Variants in SEC63 observed in about 807,000 individuals in gnomAD.
SEC63 encodes SEC63 protein translocation regulator.
A neutral mutation model predicts 116.2 loss-of-function variants in SEC63; 56 were observed. The ratio of observed to expected loss-of-function variants is 0.48; its 90% CI spans 0.39 to 0.60. The LOEUF (loss-of-function observed/expected upper bound fraction) is 0.60. SEC63 is among the 20% of genes least tolerant of loss of function. The pLI is 0.00. For synonymous variants in SEC63, 273 were observed against 294.6 expected, an observed-to-expected ratio of 0.93 and a Z score of 0.75; for missense variants, 668 against 900.0, an observed-to-expected ratio of 0.74 and a Z score of 3.30.
chr6:107,911,050 A>G (rs2114458101), intron 7 of SEC63: 2 of 368,944 alleles, frequency 5.4e-6, no homozygotes, highest in South Asian at 5.9e-5. Context: ...TATACACATC[A>G]TGCTCAAGTA....
chr6:107,893,392 A>G lies in SEC63; in HGVS notation c.1674+90T>C. 3 of 1,315,618 alleles carry G rather than the reference A, an allele frequency of 2.3e-6. No homozygotes were observed. In the South Asian group the frequency reaches 3.6e-5, roughly 16 times the overall value. 81.5% of individuals were successfully genotyped at this position (1,315,618 alleles called of 1,614,324 possible). A position where few individuals can be genotyped will look rare whatever the true frequency, so the allele number is the denominator to read the frequency against. Reference sequence around the variant, plus strand: ...GGTATCACGGGTGCATAAATTATGTAAAACTTTTGAAGCTGTACACGTAAG... The same window carrying G: ...GGTATCACGGGTGCATAAATTATGTGAAACTTTTGAAGCTGTACACGTAAG... On this transcript the variant is annotated intron_variant, in intron 16 of 20. Coordinates refer to ENST00000369002, the MANE Select transcript of SEC63 (RefSeq NM_007214.5).
At chr6:107,955,441 C>T (rs1179458090) in intron 1 of SEC63, among the ~76,000 whole-genome samples, 4 of 152,058 alleles carry the variant, frequency 2.6e-5, no homozygotes, top group Admixed American at 2.0e-4. Flanking sequence ...CCACGGCAGG[C>T]GTGAGCCACC....
At chr6:107,935,579 A>C (rs1487006984) in intron 1 of SEC63, among the ~76,000 whole-genome samples, 7 of 117,526 alleles carry the variant, frequency 6.0e-5, no homozygotes, top group African/African-American at 2.4e-4. Context: ...TGTTAAACAG[A>C]TGCTTGAAGG....
At position 107,876,546 on chromosome 6, in the gene SEC63, A is replaced by T; in HGVS notation, c.2034+18T>A. ...CTGTGCCTTGTTAAACACTGAAATC[A>T]TGTTGCTTGATAGTTACCTCCTCTG... On this transcript the variant is annotated intron_variant, in intron 19 of 20. Coordinates refer to ENST00000369002, the MANE Select transcript of SEC63 (RefSeq NM_007214.5). 2 of 1,433,444 alleles carry T rather than the reference A, an allele frequency of 1.4e-6. No homozygotes were observed. Among genetic ancestry groups the T allele is most frequent in the Non-Finnish European group, 2.0e-6 (2 of 1,017,534 alleles). 88.8% of individuals were successfully genotyped at this position (1,433,444 alleles called of 1,614,324 possible). A position where few individuals can be genotyped will look rare whatever the true frequency, so the allele number is the denominator to read the frequency against.
In SEC63 at chr6:107,904,651, T is replaced by C. The variant is rs1277146833; in HGVS notation, c.1032A>G (p.Ile344Met). 6.2e-7 allele frequency: 1 copy of C among 1,612,896 alleles called. No individual in the cohort carries two copies. The highest frequency in any genetic ancestry group is 1.7e-5 in the Admixed American group (1 of 60,024). ...QEMVNVICQL[I>M]VMARNREERE... Reference sequence around the variant, plus strand: ...CACCTTCACGGTTCCGGGCCATTACTATTAGTTGGCAGATTACATTAACCA... The same window carrying C: ...CACCTTCACGGTTCCGGGCCATTACCATTAGTTGGCAGATTACATTAACCA... Residue 344 changes from isoleucine to methionine, a missense_variant, in exon 11 of 21, where the codon ATA becomes ATG. Around this residue, in one of 5 missense-constraint regions of SEC63, gnomAD observed 430 missense variants for 557.5 expected, o/e 0.77. Transcript: ENST00000369002.
At chr6:107,885,167 A>G (rs1319043536) in intron 16 of SEC63, among the ~76,000 whole-genome samples, 1 of 152,132 alleles carries the variant, frequency 6.6e-6, no homozygotes, top group African/African-American at 2.4e-5. Context: ...TAGCCAGCAC[A>G]GTGAGGCAGA....
intron 1 of SEC63, among the ~76,000 whole-genome samples, chr6:107,934,947 G>C (rs1770170455): frequency 1.2e-5 from 1 of 85,878 alleles, no homozygotes; most frequent in African/African-American, 5.1e-5. Flanking sequence ...GGAGGTGGGG[G>C]GGTCAGCCCC....
chr6:107,925,040 T>C (rs1787645063), intron 2 of SEC63, 108 bp from the exon 3 acceptor site: 3 of 722,556 alleles, frequency 4.2e-6, no homozygotes, highest in South Asian at 1.4e-5. Context: ...CATATCACTA[T>C]GCTACTGACT....
At chr6:107,906,941 A>G (rs1267446234) in intron 8 of SEC63, among the ~76,000 whole-genome samples, 164 bp from the exon 9 acceptor site, 1 of 152,252 alleles carries the variant, frequency 6.6e-6, no homozygotes, top group East Asian at 1.9e-4. Flanking sequence ...CCATAAAAAA[A>G]GTAACATCTC....
intron 14 of SEC63, among the ~76,000 whole-genome samples, chr6:107,894,770 C>T (rs6934438): frequency 6.6e-6 from 1 of 150,936 alleles, no homozygotes; most frequent in African/African-American, 2.4e-5. Flanking sequence ...ACACCACTTG[C>T]CTTTTTTTTT....
At chr6:107,913,820 G>A (rs1306022640) in intron 4 of SEC63, among the ~76,000 whole-genome samples, 1 of 152,152 alleles carries the variant, frequency 6.6e-6, no homozygotes, top group African/African-American at 2.4e-5. Context: ...CAATGAGCAT[G>A]TTTATACATT....
chr6:107,919,413 C>T (rs1562329072), intron 4 of SEC63, among the ~76,000 whole-genome samples: 1 of 152,170 alleles, frequency 6.6e-6, no homozygotes, highest in Non-Finnish European at 1.5e-5. Flanking sequence ...AAGATGGTAT[C>T]TATTCCTGAT....
intron 1 of SEC63, among the ~76,000 whole-genome samples, chr6:107,951,461 TTTG>T (rs1271398105): frequency 6.6e-6 from 1 of 152,306 alleles, no homozygotes; most frequent in African/African-American, 2.4e-5. Flanking sequence ...TTTTTTGGAT[TTTG>T]TTGTTGTTGT....
At chr6:107,900,397 T>G (rs1786972780) in intron 13 of SEC63, among the ~76,000 whole-genome samples, 1 of 151,564 alleles carries the variant, frequency 6.6e-6, no homozygotes, top group Non-Finnish European at 1.5e-5. Flanking sequence ...ATCACAGCAC[T>G]GCGGGAGGCC....
chr6:107,908,850 G>A (rs1391897625), intron 8 of SEC63, 77 bp downstream of exon 8: 3 of 787,788 alleles, frequency 3.8e-6, no homozygotes, highest in South Asian at 2.9e-5. Context: ...ACAGTATAGA[G>A]TTAAGGAATA....
At position 107,867,794 on chromosome 6, in the gene SEC63, G is replaced by GTGTACAAT. The variant is rs1272489056; in HGVS notation, c.*3902_*3909dup. 2 of 151,212 alleles carry GTGTACAAT rather than the reference G, an allele frequency of 1.3e-5. No homozygotes were observed. The highest frequency in any genetic ancestry group is 2.9e-5 in the Non-Finnish European group (2 of 67,906). The allele number at this position is 151,212 out of a possible 1,614,324, so 9.4% of individuals were successfully genotyped here. On this transcript the variant is annotated 3_prime_UTR_variant, in exon 21 of 21. Coordinates refer to ENST00000369002, the MANE Select transcript of SEC63 (RefSeq NM_007214.5). ...AAATGTTTATTTATAAATAATAGAA[G>GTGTACAAT]TGTACAATTGTACAATATATTATGT... is the stretch of plus-strand genomic sequence containing the variant.
In SEC63 at chr6:107,929,419, C is replaced by T. The variant is rs564793387; in HGVS notation, c.220G>A (p.Val74Ile). 7.2e-6 allele frequency: 11 copies of T among 1,526,294 alleles called. No individual in the cohort carries two copies. Among genetic ancestry groups the T allele is most frequent in the Non-Finnish European group, 9.1e-6 (10 of 1,100,510 alleles). The allele number at this position is 1,526,294 out of a possible 1,614,324, so 94.5% of individuals were successfully genotyped here. A position where few individuals can be genotyped will look rare whatever the true frequency, so the allele number is the denominator to read the frequency against. The change falls in exon 2 of 21, where the codon GTA becomes ATA. Residue 74 changes from valine (V) to isoleucine (I), a missense_variant. Val to Ile is a conservative substitution (Grantham distance 29, BLOSUM62 3). Coordinates refer to ENST00000369002, the MANE Select transcript of SEC63 (RefSeq NM_007214.5). ...TTCTTGAAATCCATTACTTACTTTA[C>T]TGTAGGAATAATATTTGGCTGGGGT... ...LKPQPNIIPTVKKIVLLAGWA... is the reference protein window; with the variant it reads ...LKPQPNIIPTIKKIVLLAGWA...
chr6:107,920,270 A>T (rs962668749), intron 4 of SEC63, among the ~76,000 whole-genome samples: 1 of 151,706 alleles, frequency 6.6e-6, no homozygotes. Context: ...AAAAATACAA[A>T]AAAACATTAG....
Position 107,911,342 on chromosome 6 carries a change from T to A in SEC63, c.624+4A>T. 6.2e-7 allele frequency: 1 copy of A among 1,600,216 alleles called. No individual in the cohort carries two copies. Among genetic ancestry groups the A allele is most frequent in the Middle Eastern group, 1.7e-4 (1 of 6,030 alleles). ...AAACATTAACTTAAAAAGCTAAAACTTACCACAACAACTGGAAGGATAACC... is the reference window on the plus strand; with the variant it reads ...AAACATTAACTTAAAAAGCTAAAACATACCACAACAACTGGAAGGATAACC... On this transcript the variant is annotated splice_donor_region_variant and intron_variant, in intron 7 of 20. Transcript: ENST00000369002.
Sources: allele counts gnomAD v4.1 joint callset (sites outside exome capture counted in the v4.1 genomes callset), GRCh38; gene constraint gnomAD v4.1.1; regional missense constraint gnomAD v4.1.1; transcripts MANE v1.5; gene names NCBI Gene and HGNC (gene_info 2026-07-23, HGNC 2026-07-21).